C12orf42: variants seen among roughly 807,000 people sequenced by gnomAD.
C12orf42 encodes chromosome 12 open reading frame 42.
C12orf42 carries 25 observed loss-of-function variants against 21.6 expected under a neutral mutation model. That is an observed-to-expected ratio of 1.16 (90% CI 0.84 to 1.62). The LOEUF (loss-of-function observed/expected upper bound fraction) is 1.62, where lower values mean the gene tolerates loss of function less well. C12orf42 is among the 40% of genes most tolerant of loss of function. The probability of loss-of-function intolerance (pLI) is 0.00; values close to 1 mark genes in which losing one functional copy is unlikely to be tolerated. For missense variants in C12orf42, 483 were observed against 459.3 expected (o/e 1.05, Z -0.47); for synonymous variants, 174 against 175.0 (o/e 0.99, Z 0.05).
At chr12:103,449,166 G>GA (rs1951779490) in intron 2 of C12orf42, among the ~76,000 whole-genome samples, 2 of 151,840 alleles carry the variant, frequency 1.3e-5, no homozygotes, top group Admixed American at 6.6e-5. Context: ...CCATAAAAAG[G>GA]AAAAAAATAA....
intron 4 of C12orf42, chr12:103,277,262 A>C (rs2035826141): frequency 2.6e-6 from 1 of 387,022 alleles, no homozygotes. Flanking sequence ...ACTGTATATT[A>C]ATTCAAAAAT....
chr12:103,387,670 G>C (rs980677987), intron 3 of C12orf42, among the ~76,000 whole-genome samples: 1 of 152,176 alleles, frequency 6.6e-6, no homozygotes. Context: ...CCTAGCAGTG[G>C]CTTGGTCTCT....
intron 2 of C12orf42, among the ~76,000 whole-genome samples, chr12:103,443,621 A>G (rs1951403453): frequency 6.6e-6 from 1 of 152,154 alleles, no homozygotes; most frequent in Non-Finnish European, 1.5e-5. Flanking sequence ...AATTCAAAAA[A>G]TTAAAAATTC....
the C12orf42 span, among the ~76,000 whole-genome samples, chr12:103,053,803 C>T: frequency 6.6e-6 from 1 of 151,852 alleles, no homozygotes; most frequent in Admixed American, 6.6e-5. Flanking sequence ...TTGATTTTTA[C>T]GATGGCCTGT....
At chr12:103,223,394 T>C in the C12orf42 span, among the ~76,000 whole-genome samples, 3 of 151,998 alleles carry the variant, frequency 2.0e-5, no homozygotes, top group Admixed American at 6.6e-5. Flanking sequence ...TTTGGATGAA[T>C]TGAGAAACTA....
chr12:103,538,835 T>A, the C12orf42 span, among the ~76,000 whole-genome samples: 4 of 151,040 alleles, frequency 2.6e-5, no homozygotes, highest in Non-Finnish European at 5.9e-5. Context: ...CCTGGCCAAA[T>A]CCTTATGGAT....
the C12orf42 span, among the ~76,000 whole-genome samples, chr12:103,562,187 C>G: frequency 6.6e-6 from 1 of 152,190 alleles, no homozygotes; most frequent in African/African-American, 2.4e-5. Context: ...TCACACCTTT[C>G]AAACTCAATT....
chr12:103,107,828 C>T, the C12orf42 span, among the ~76,000 whole-genome samples: 1 of 151,254 alleles, frequency 6.6e-6, no homozygotes, highest in South Asian at 2.1e-4. Flanking sequence ...AAATCATTCT[C>T]TAGCTTGACT....
At chr12:103,103,116 T>C in the C12orf42 span, among the ~76,000 whole-genome samples, 8 of 152,194 alleles carry the variant, frequency 5.3e-5, no homozygotes, top group African/African-American at 1.9e-4. Flanking sequence ...AGTGACTCTC[T>C]CACCATCATT....
intron 4 of C12orf42, among the ~76,000 whole-genome samples, chr12:103,277,690 G>A (rs2035853807): frequency 6.6e-6 from 1 of 150,876 alleles, no homozygotes; most frequent in South Asian, 2.1e-4. Context: ...GTGTGATCCT[G>A]GCTCACCCAA....
intron 4 of C12orf42, among the ~76,000 whole-genome samples, chr12:103,322,341 T>G (rs2040262064): frequency 6.6e-6 from 1 of 152,150 alleles, no homozygotes; most frequent in Admixed American, 6.5e-5. Flanking sequence ...ACAATTAGAC[T>G]CCTTTGATGG....
the C12orf42 span, among the ~76,000 whole-genome samples, chr12:103,103,846 G>A: frequency 6.6e-6 from 1 of 150,560 alleles, no homozygotes; most frequent in Non-Finnish European, 1.5e-5. Context: ...CTGTCGCCTG[G>A]CTGGAGTGCA....
At chr12:103,362,953 G>T (rs2044246450) in intron 4 of C12orf42, among the ~76,000 whole-genome samples, 1 of 152,036 alleles carries the variant, frequency 6.6e-6, no homozygotes. Flanking sequence ...ATCTTCCCCG[G>T]CCTTGCTAGA....
the C12orf42 span, among the ~76,000 whole-genome samples, chr12:103,169,762 A>G: frequency 7.2e-6 from 1 of 138,860 alleles, no homozygotes; most frequent in African/African-American, 2.6e-5. Context: ...TTGATATGCT[A>G]AAAATAAAAA....
intron 2 of C12orf42, among the ~76,000 whole-genome samples, chr12:103,424,335 C>A (rs1672406684): frequency 6.6e-6 from 1 of 152,218 alleles, no homozygotes; most frequent in Admixed American, 6.5e-5. Context: ...GATCTCCTAT[C>A]AGCTAATAAG....
At chr12:103,097,937 T>G in the C12orf42 span, among the ~76,000 whole-genome samples, 2 of 152,112 alleles carry the variant, frequency 1.3e-5, no homozygotes, top group African/African-American at 4.8e-5. Context: ...AACAAACACC[T>G]TCATGTCCTA....
chr12:103,068,873 C>T, the C12orf42 span, among the ~76,000 whole-genome samples: 1 of 138,438 alleles, frequency 7.2e-6, no homozygotes, highest in Non-Finnish European at 1.5e-5. Flanking sequence ...AAACTCCTCT[C>T]TCTATATATA....
chr12:103,312,660 G>A (rs935186376), intron 4 of C12orf42, among the ~76,000 whole-genome samples: 1 of 151,736 alleles, frequency 6.6e-6, no homozygotes, highest in Non-Finnish European at 1.5e-5. Context: ...TGTTTTGGTT[G>A]TTAAAAAAAT....
the C12orf42 span, among the ~76,000 whole-genome samples, chr12:103,205,242 C>T: frequency 2.0e-5 from 3 of 152,148 alleles, no homozygotes; most frequent in East Asian, 1.9e-4. Context: ...AGTACTAGTT[C>T]GTTTTCACAC....
Sources: gnomAD v4.1 joint callset for allele counts (sites outside exome capture counted in the v4.1 genomes callset) on GRCh38, gnomAD v4.1.1 for gene constraint, MANE v1.5 for transcripts, NCBI Gene and HGNC (gene_info 2026-07-23, HGNC 2026-07-21) for gene names.